ZNF536: variants seen among roughly 807,000 people sequenced by gnomAD.
ZNF536 encodes the protein zinc finger protein 536.
A neutral mutation model predicts 84.5 loss-of-function variants in ZNF536; 13 were observed. The ratio of observed to expected loss-of-function variants is 0.15; its 90% confidence interval spans 0.10 to 0.24. The LOEUF is 0.24. ZNF536 is among the 10% of genes least tolerant of loss of function. ZNF536 has a pLI of 1.00. For synonymous variants in ZNF536, 811 were observed against 742.5 expected (o/e 1.09, Z -1.50); for missense variants, 1,536 against 1,747.5 (o/e 0.88, Z 2.16).
At chr19:30,609,895 T>TATCCATCCATCCATCC (rs202076068) in intron 1 of ZNF536, among the ~76,000 whole-genome samples, 1 of 140,860 alleles carries the variant, frequency 7.1e-6, no homozygotes, top group Non-Finnish European at 1.6e-5. Context: ...TCCACCCATT[T>TATCCATCCATCCATCC]ATCCATCCAT....
chr19:30,577,489 T>C (rs1222899756), intron 1 of ZNF536, among the ~76,000 whole-genome samples: 1 of 152,236 alleles, frequency 6.6e-6, no homozygotes, highest in Non-Finnish European at 1.5e-5. Flanking sequence ...GACACCAAGA[T>C]ATGCAGCTGC....
At chr19:30,663,471 G>A (rs1329186798) in intron 1 of ZNF536, among the ~76,000 whole-genome samples, 4 of 152,060 alleles carry the variant, frequency 2.6e-5, no homozygotes, top group South Asian at 2.1e-4. Context: ...GCCATTATAC[G>A]ACGCCTTCCA....
At chr19:30,502,508 A>C (rs1342072196) in intron 2 of ZNF536, among the ~76,000 whole-genome samples, 10 of 152,118 alleles carry the variant, frequency 6.6e-5, no homozygotes, top group African/African-American at 2.4e-4. Flanking sequence ...GAGAGAGGGC[A>C]GCTGTGGCTG....
intron 1 of ZNF536, among the ~76,000 whole-genome samples, chr19:30,258,235 C>T (rs947438312): frequency 6.6e-6 from 1 of 152,144 alleles, no homozygotes; most frequent in Non-Finnish European, 1.5e-5. Flanking sequence ...CCTACAAAAC[C>T]AATTCACCTC....
chr19:30,500,623 T>C (rs1304927467), intron 2 of ZNF536, among the ~76,000 whole-genome samples: 1 of 150,298 alleles, frequency 6.7e-6, no homozygotes, highest in Non-Finnish European at 1.5e-5. Flanking sequence ...GTGGGATGAA[T>C]GTGGGTCTCA....
intron 2 of ZNF536, among the ~76,000 whole-genome samples, chr19:30,508,569 T>C (rs188487060): frequency 6.6e-6 from 1 of 151,656 alleles, no homozygotes; most frequent in East Asian, 1.9e-4. Context: ...CAGAGAAGGC[T>C]GGAAGGCAGC....
At chr19:30,323,312 C>T (rs1600219460) in intron 2 of ZNF536, among the ~76,000 whole-genome samples, 1 of 152,316 alleles carries the variant, frequency 6.6e-6, no homozygotes, top group East Asian at 1.9e-4. Context: ...TCCTGTATCC[C>T]CCACATTGAC....
chr19:30,415,071 C>T (rs1488040452), intron 1 of ZNF536, among the ~76,000 whole-genome samples: 1 of 151,240 alleles, frequency 6.6e-6, no homozygotes, highest in Non-Finnish European at 1.5e-5. Flanking sequence ...TTCTGCTTCC[C>T]CTCCTCCTCC....
intron 2 of ZNF536, among the ~76,000 whole-genome samples, chr19:30,311,266 C>A (rs932017764): frequency 2.0e-5 from 3 of 152,176 alleles, no homozygotes; most frequent in African/African-American, 7.2e-5. Context: ...GCCCTTCCTA[C>A]TGAGGACTGG....
At chr19:30,525,479 C>T (rs573232960) in intron 2 of ZNF536, among the ~76,000 whole-genome samples, 197 of 152,290 alleles carry the variant, frequency 1.3e-3, no homozygotes, top group African/African-American at 4.5e-3. Context: ...GAGGACGTCT[C>T]GCATGCTAGA....
At chr19:30,708,445 T>G (rs1382728999) in intron 1 of ZNF536, among the ~76,000 whole-genome samples, 1 of 152,228 alleles carries the variant, frequency 6.6e-6, no homozygotes, top group African/African-American at 2.4e-5. Context: ...GATTATTCCT[T>G]TGGAGGCCAG....
intron 2 of ZNF536, among the ~76,000 whole-genome samples, chr19:30,488,554 A>AT (rs1457675325): frequency 1.4e-5 from 2 of 141,424 alleles, no homozygotes; most frequent in Non-Finnish European, 3.0e-5. Context: ...TTATTTAGCT[A>AT]TTTTTTTAAT....
At chr19:30,647,472 T>G (rs1188911462) in intron 1 of ZNF536, among the ~76,000 whole-genome samples, 1 of 152,238 alleles carries the variant, frequency 6.6e-6, no homozygotes, top group African/African-American at 2.4e-5. Context: ...TTAGACACTC[T>G]AATTTCTTTC....
rs182887711 is a variant in ZNF536 at position 30,583,697 on chromosome 19, C to T, written c.169+34183C>T. On this transcript the variant is annotated intron_variant, in intron 1 of 1. Coordinates refer to the ZNF536 transcript ENST00000592773. ...GGGGCTGTAGTCCTCATGAGGGCAG[C>T]AATCAATGCATTCCTAGCTACTGGC... Among the ~76,000 whole-genome samples the T allele has an allele frequency of 8.7e-4, 133 of 152,272 alleles. 1 individual carries two copies. Among genetic ancestry groups the T allele is most frequent in the African/African-American group, 2.9e-3 (120 of 41,556 alleles).
At chr19:30,296,525 G>A (rs2046001683) in intron 2 of ZNF536, among the ~76,000 whole-genome samples, 2 of 152,194 alleles carry the variant, frequency 1.3e-5, no homozygotes, top group Admixed American at 1.3e-4. Flanking sequence ...TCTGGGAGGA[G>A]ATTCTGTGAA....
intron 1 of ZNF536, among the ~76,000 whole-genome samples, chr19:30,686,543 G>T (rs2051192175): frequency 6.6e-6 from 1 of 152,222 alleles, no homozygotes; most frequent in African/African-American, 2.4e-5. Flanking sequence ...TGGCCCAGTG[G>T]CCCAGTGCCA....
Position 30,422,840 on chromosome 19 carries a change from TCCATCCATCCATCCAA to T in ZNF536, c.-2-20705_-2-20690del, listed in dbSNP as rs1322862992. Among the ~76,000 whole-genome samples the T allele has an allele frequency of 2.4e-4, 30 of 125,536 alleles. 1 individual carries two copies. The highest frequency in any genetic ancestry group is 2.3e-3 in the Admixed American group (27 of 11,570). 82.4% of individuals were successfully genotyped at this position (125,536 alleles called of 152,430 possible). On this transcript the variant is annotated intron_variant, in intron 1 of 4. Coordinates refer to ENST00000355537, the MANE Select transcript of ZNF536 (RefSeq NM_014717.3). ...CTTCATCTGCCTATCTACACATTCA[TCCATCCATCCATCCAA>T]CCATCCATCCATCCATCCATCCATC...
At chr19:30,380,918 C>T (rs1038388320) in intron 1 of ZNF536, among the ~76,000 whole-genome samples, 4 of 151,908 alleles carry the variant, frequency 2.6e-5, no homozygotes, top group Non-Finnish European at 2.9e-5. Flanking sequence ...ACTCTGTCAC[C>T]CAGGCTGGAG....
intron 1 of ZNF536, among the ~76,000 whole-genome samples, chr19:30,403,733 A>G (rs2050148136): frequency 2.0e-5 from 3 of 152,322 alleles, no homozygotes; most frequent in Non-Finnish European, 4.4e-5. Context: ...TTTTATTGCC[A>G]GAGTCTCCAA....
Sources: gnomAD v4.1 joint callset for allele counts (sites outside exome capture counted in the v4.1 genomes callset) on GRCh38, gnomAD v4.1.1 for gene constraint, MANE v1.5 for transcripts, NCBI Gene and HGNC (gene_info 2026-07-23, HGNC 2026-07-21) for gene names.